FRMPD4: variants seen among roughly 807,000 people sequenced by gnomAD.
FRMPD4 encodes FERM and PDZ domain-containing protein 4.
In FRMPD4, 22 loss-of-function variants were observed where a neutral mutation model predicts 94.1. The observed-to-expected ratio is 0.23, with a 90% CI of 0.17 to 0.33. FRMPD4 has a LOEUF of 0.33. FRMPD4 is among the 10% of genes least tolerant of loss of function. The pLI is 1.00. For missense variants in FRMPD4, 1,111 were observed against 1,339.9 expected, an observed-to-expected ratio of 0.83 and a Z score of 2.67; for synonymous variants, 631 against 548.6, an observed-to-expected ratio of 1.15 and a Z score of -2.10.
chrX:12,296,314 T>G (rs1254497816), intron 1 of FRMPD4, among the ~76,000 whole-genome samples: 2 of 112,067 alleles, frequency 1.8e-5, no homozygotes, highest in African/African-American at 6.5e-5. Flanking sequence ...AGGGCAGTAG[T>G]ATTTAATGCT....
intron 3 of FRMPD4, among the ~76,000 whole-genome samples, chrX:11,949,946 A>G (rs767241701): frequency 8.9e-6 from 1 of 112,375 alleles, no homozygotes; most frequent in Non-Finnish European, 1.9e-5. Flanking sequence ...TGATATACAT[A>G]TACATAGTGA....
At chrX:12,523,980 C>T (rs1451482600) in intron 2 of FRMPD4, among the ~76,000 whole-genome samples, 1 of 111,042 alleles carries the variant, frequency 9.0e-6, no homozygotes, top group Non-Finnish European at 1.9e-5. Context: ...CATAGTGAGA[C>T]CATCATCTCT....
intron 1 of FRMPD4, among the ~76,000 whole-genome samples, chrX:12,233,314 C>T (rs1459835774): frequency 9.0e-6 from 1 of 111,724 alleles, no homozygotes; most frequent in African/African-American, 3.3e-5. Context: ...GAATATTTTG[C>T]TTTTAGTATA....
chrX:12,137,735 T>G (rs1291011823), upstream of FRMPD4, among the ~76,000 whole-genome samples: 1 of 112,485 alleles, frequency 8.9e-6, no homozygotes, highest in African/African-American at 3.2e-5. Context: ...GAGTTCTAGA[T>G]GGCTGCAACT....
chrX:12,346,868 T>C (rs1049087543), intron 1 of FRMPD4, among the ~76,000 whole-genome samples: 1 of 112,465 alleles, frequency 8.9e-6, no homozygotes, highest in African/African-American at 3.2e-5. Flanking sequence ...CCAGTAGAAT[T>C]GGCATTTACA....
intron 4 of FRMPD4, among the ~76,000 whole-genome samples, chrX:12,637,083 G>A (rs2059449741): frequency 8.9e-6 from 1 of 112,234 alleles, no homozygotes; most frequent in African/African-American, 3.2e-5. Flanking sequence ...AGAAATATGT[G>A]TACATTTTTA....
At chrX:12,711,932 T>C (rs144733836) in intron 14 of FRMPD4, among the ~76,000 whole-genome samples, 3 of 111,271 alleles carry the variant, frequency 2.7e-5, no homozygotes, top group East Asian at 5.6e-4. Flanking sequence ...CACAGTTTAT[T>C]ATGATGGCCA....
intron 1 of FRMPD4, among the ~76,000 whole-genome samples, chrX:11,827,304 G>A (rs1387066006): frequency 1.8e-5 from 2 of 108,797 alleles, no homozygotes; most frequent in Non-Finnish European, 3.8e-5. Flanking sequence ...TCACGGCCAT[G>A]TGATCTTCAT....
intron 1 of FRMPD4, among the ~76,000 whole-genome samples, chrX:12,230,533 C>T (rs143316459): frequency 7.0e-4 from 77 of 110,383 alleles, no homozygotes; most frequent in Middle Eastern, 4.6e-3. Flanking sequence ...GTATGTCACA[C>T]ATAGCAAATT....
At chrX:11,968,184 A>G (rs764598952) in intron 3 of FRMPD4, among the ~76,000 whole-genome samples, 2 of 111,651 alleles carry the variant, frequency 1.8e-5, no homozygotes, top group African/African-American at 6.5e-5. Flanking sequence ...CCTTCACCAC[A>G]GATCCTGCTA....
At chrX:12,301,820 T>C (rs1299694765) in intron 1 of FRMPD4, among the ~76,000 whole-genome samples, 14 of 111,958 alleles carry the variant, frequency 1.3e-4, no homozygotes, top group Non-Finnish European at 1.9e-5. Flanking sequence ...TGAGGCTCAA[T>C]ATCAACTCTG....
chrX:11,916,765 C>T, intron 3 of FRMPD4, among the ~76,000 whole-genome samples: 1 of 111,619 alleles, frequency 9.0e-6, no homozygotes, highest in Non-Finnish European at 1.9e-5. Flanking sequence ...GGGGACTGGG[C>T]AGTGTCTATA....
intron 1 of FRMPD4, among the ~76,000 whole-genome samples, chrX:12,202,194 G>T (rs2147720557): frequency 9.0e-6 from 1 of 111,399 alleles, no homozygotes; most frequent in East Asian, 2.8e-4. Flanking sequence ...GACTATTTTG[G>T]ATAATCCTAG....
In FRMPD4 at chrX:12,138,594, C is replaced by T. The variant is rs1183336047; in HGVS notation, c.-378C>T. 1 of 275,727 alleles carries T rather than the reference C, an allele frequency of 3.6e-6. No homozygotes were observed. The highest frequency in any genetic ancestry group is 6.4e-6 in the Non-Finnish European group (1 of 157,194). 22.7% of individuals were successfully genotyped at this position (275,727 alleles called of 1,213,427 possible). On this transcript the variant is annotated 5_prime_UTR_variant, in exon 1 of 17. Transcript: ENST00000675598. ...CGAGGGCCGGGAAGCCAGAGCAGCG[C>T]CTCTCGCCCAGGCCTCGCTTTCTCT...
chrX:12,508,022 A>T (rs1214249313), intron 2 of FRMPD4, among the ~76,000 whole-genome samples: 1 of 112,186 alleles, frequency 8.9e-6, no homozygotes, highest in African/African-American at 3.2e-5. Flanking sequence ...AATTATTAGG[A>T]AGGTGAAAAT....
At chrX:11,928,215 G>A (rs1411450751) in intron 3 of FRMPD4, among the ~76,000 whole-genome samples, 1 of 111,985 alleles carries the variant, frequency 8.9e-6, no homozygotes, top group Non-Finnish European at 1.9e-5. Context: ...ATCTGTATTA[G>A]TCTGTTCTCA....
chrX:12,310,152 G>A (rs1415974232), intron 1 of FRMPD4, among the ~76,000 whole-genome samples: 2 of 109,767 alleles, frequency 1.8e-5, no homozygotes, highest in Non-Finnish European at 3.8e-5. Context: ...GGGTGGAGCC[G>A]TTTTATAGGA....
chrX:12,200,353 A>G (rs906753904), intron 1 of FRMPD4, among the ~76,000 whole-genome samples: 4 of 112,081 alleles, frequency 3.6e-5, no homozygotes, highest in Non-Finnish European at 5.6e-5. Context: ...CTTTCACTGT[A>G]ATAATTGTCT....
intron 1 of FRMPD4, among the ~76,000 whole-genome samples, chrX:12,154,447 T>G (rs911250574): frequency 3.6e-5 from 4 of 112,087 alleles, no homozygotes; most frequent in African/African-American, 1.3e-4. Context: ...TGAAGGGAAG[T>G]GTGGAAACCA....
Sources: allele counts gnomAD v4.1 joint callset (sites outside exome capture counted in the v4.1 genomes callset), GRCh38; gene constraint gnomAD v4.1.1; transcripts MANE v1.5; gene names NCBI Gene and HGNC (gene_info 2026-07-23, HGNC 2026-07-21).